CACNA2D3: variants seen among roughly 807,000 people sequenced by gnomAD.
CACNA2D3 encodes the protein calcium voltage-gated channel auxiliary subunit alpha2delta 3, also known as voltage-dependent calcium channel subunit alpha-2/delta-3.
In CACNA2D3, 60 loss-of-function variants were observed where a neutral mutation model predicts 160.6. The ratio of observed to expected loss-of-function variants is 0.37; its 90% CI spans 0.30 to 0.46. The LOEUF is 0.46. Among genes scored for constraint, CACNA2D3 ranks in the 20% least tolerant of loss-of-function variants. The pLI is 1.00. For synonymous variants in CACNA2D3, 558 were observed against 492.9 expected, an observed-to-expected ratio of 1.13 and a Z score of -1.75; for missense variants, 1,205 against 1,365.0, an observed-to-expected ratio of 0.88 and a Z score of 1.85.
chr3:54,471,966 G>T (rs1700740752), intron 4 of CACNA2D3, among the ~76,000 whole-genome samples: 1 of 151,650 alleles, frequency 6.6e-6, no homozygotes, highest in South Asian at 2.1e-4. Context: ...TCTACCAGAG[G>T]TACAAAGAGG....
intron 2 of CACNA2D3, among the ~76,000 whole-genome samples, chr3:54,318,317 G>C (rs952742178): frequency 7.2e-5 from 11 of 152,112 alleles, no homozygotes; most frequent in African/African-American, 2.7e-4. Flanking sequence ...CTAGATTGAA[G>C]GAATAAATGG....
At chr3:54,715,095 C>T (rs1330305480) in intron 11 of CACNA2D3, among the ~76,000 whole-genome samples, 1 of 152,188 alleles carries the variant, frequency 6.6e-6, no homozygotes, top group Non-Finnish European at 1.5e-5. Flanking sequence ...ACTGCCCCTA[C>T]TTCAGAGGAC....
At chr3:54,806,209 C>T (rs534939380) in intron 13 of CACNA2D3, among the ~76,000 whole-genome samples, 1 of 152,156 alleles carries the variant, frequency 6.6e-6, no homozygotes, top group Non-Finnish European at 1.5e-5. Flanking sequence ...CCAGGGCAAT[C>T]AGGCGGGAGA....
intron 11 of CACNA2D3, among the ~76,000 whole-genome samples, chr3:54,709,430 C>T (rs1053401687): frequency 1.3e-5 from 2 of 151,632 alleles, no homozygotes; most frequent in African/African-American, 4.9e-5. Context: ...GGCATGATCT[C>T]GATTCACTAA....
chr3:54,995,164 G>A (rs964401179), intron 31 of CACNA2D3, among the ~76,000 whole-genome samples: 15 of 152,058 alleles, frequency 9.9e-5, no homozygotes, highest in African/African-American at 3.6e-4. Flanking sequence ...AGTAGAGACA[G>A]GGTTTCGCCA....
At chr3:54,494,301 G>A (rs1281644257) in intron 4 of CACNA2D3, among the ~76,000 whole-genome samples, 4 of 152,170 alleles carry the variant, frequency 2.6e-5, no homozygotes, top group Non-Finnish European at 4.4e-5. Flanking sequence ...TACTGAATCA[G>A]CCTTTTCAAA....
At chr3:54,414,525 A>G (rs1235661387) in intron 4 of CACNA2D3, among the ~76,000 whole-genome samples, 1 of 152,162 alleles carries the variant, frequency 6.6e-6, no homozygotes, top group Non-Finnish European at 1.5e-5. Flanking sequence ...TTGCCTGTGC[A>G]AAGTTACCAC....
chr3:54,633,109 C>G (rs1699282155), intron 10 of CACNA2D3, among the ~76,000 whole-genome samples: 2 of 152,088 alleles, frequency 1.3e-5, no homozygotes, highest in African/African-American at 4.8e-5. Context: ...GGATCACAGC[C>G]CTGGTGACTG....
intron 4 of CACNA2D3, among the ~76,000 whole-genome samples, chr3:54,402,417 G>C (rs1699485041): frequency 6.6e-6 from 1 of 152,088 alleles, no homozygotes; most frequent in African/African-American, 2.4e-5. Flanking sequence ...ACACACATAG[G>C]CTGAAAGTAA....
chr3:54,796,268 G>T (rs148504033), intron 13 of CACNA2D3, among the ~76,000 whole-genome samples: 25 of 152,274 alleles, frequency 1.6e-4, no homozygotes, highest in African/African-American at 6.0e-4. Context: ...GTCAGTCTCA[G>T]TGTCCTCATT....
intron 17 of CACNA2D3, among the ~76,000 whole-genome samples, chr3:54,855,067 AGAGCC>A (rs1699138769): frequency 6.6e-6 from 1 of 152,204 alleles, no homozygotes; most frequent in Non-Finnish European, 1.5e-5. Flanking sequence ...GTTGGGCTGC[AGAGCC>A]TCTGTCAGCC....
At chr3:54,690,886 A>AG (rs1333165615) in intron 11 of CACNA2D3, among the ~76,000 whole-genome samples, 1 of 152,152 alleles carries the variant, frequency 6.6e-6, no homozygotes, top group Admixed American at 6.5e-5. Context: ...GTCACCTCTG[A>AG]GGGGTAGTGC....
chr3:54,846,484 ACTT>A lies in CACNA2D3; in HGVS notation c.1626+20_1626+22del, dbSNP rs756418743. The A allele has an allele frequency of 1.3e-5, 19 of 1,498,804 alleles. No homozygotes were observed. In the South Asian group the frequency reaches 1.4e-4, roughly 11 times the overall value. 92.8% of individuals were successfully genotyped at this position (1,498,804 alleles called of 1,614,324 possible). A position where few individuals can be genotyped will look rare whatever the true frequency, so the allele number is the denominator to read the frequency against. On this transcript the variant is annotated intron_variant, in intron 17 of 37. Transcript: ENST00000474759. ...AGGCTGCTGGTAAGAGAAATTATGT[ACTT>A]CTGCATTTCTGCTTTTATGATTTTA... is the stretch of plus-strand genomic sequence containing the variant.
intron 29 of CACNA2D3, among the ~76,000 whole-genome samples, chr3:54,973,024 T>A (rs187466944): frequency 1.3e-5 from 2 of 152,218 alleles, no homozygotes; most frequent in Admixed American, 1.3e-4. Context: ...TGATCATCAA[T>A]TGTGGTAAGT....
chr3:54,822,782 CTTTCTTTCCTTTCTTTCTTT>C (rs1703648655), intron 14 of CACNA2D3, among the ~76,000 whole-genome samples: 8 of 77,626 alleles, frequency 1.0e-4, no homozygotes, highest in South Asian at 4.9e-4. Flanking sequence ...TTCTTTCTTT[CTTTCTTTCCTTTCTTTCTTT>C]CTTTCTTTCT....
intron 2 of CACNA2D3, among the ~76,000 whole-genome samples, chr3:54,179,864 G>T (rs929179655): frequency 1.6e-4 from 25 of 152,228 alleles, no homozygotes; most frequent in African/African-American, 5.8e-4. Flanking sequence ...ACTGAGACGT[G>T]TATGTCTGTT....
intron 5 of CACNA2D3, among the ~76,000 whole-genome samples, chr3:54,562,005 A>G (rs1246479032): frequency 2.0e-5 from 3 of 152,208 alleles, no homozygotes; most frequent in Non-Finnish European, 4.4e-5. Flanking sequence ...CTTATTCGCT[A>G]TCATAAGAAC....
intron 10 of CACNA2D3, chr3:54,632,451 A>G (rs1308622076): frequency 3.9e-5 from 6 of 152,194 alleles, no homozygotes; most frequent in African/African-American, 1.4e-4. Context: ...AGTTTATTCA[A>G]TGGTGCGAAG....
At chr3:54,553,122 A>G (rs1035207739) in intron 5 of CACNA2D3, among the ~76,000 whole-genome samples, 1 of 152,186 alleles carries the variant, frequency 6.6e-6, no homozygotes, top group Non-Finnish European at 1.5e-5. Flanking sequence ...GCTTTGTGAA[A>G]AGCAACCTGC....
Sources: gnomAD v4.1 joint callset for allele counts (sites outside exome capture counted in the v4.1 genomes callset) on GRCh38, gnomAD v4.1.1 for gene constraint, MANE v1.5 for transcripts, NCBI Gene and HGNC (gene_info 2026-07-23, HGNC 2026-07-21) for gene names.